The following PDGFC variants were observed in gnomAD, a reference collection of about 807,000 sequenced individuals.
The protein encoded by PDGFC is platelet-derived growth factor C.
In PDGFC, 12 loss-of-function variants were observed where a neutral mutation model predicts 35.5. The ratio of observed to expected loss-of-function variants is 0.34; its 90% CI spans 0.22 to 0.55. The LOEUF is 0.55. Ranked by LOEUF, PDGFC falls within the 20% of genes least tolerant of loss-of-function variation. PDGFC has a pLI of 0.91. For synonymous variants in PDGFC, 159 were observed against 148.8 expected (o/e 1.07, Z -0.50); for missense variants, 322 against 412.4 (o/e 0.78, Z 1.90).
At chr4:156,797,401 G>T (rs772286524) in intron 3 of PDGFC, among the ~76,000 whole-genome samples, 5 of 152,082 alleles carry the variant, frequency 3.3e-5, no homozygotes, top group Non-Finnish European at 5.9e-5. Flanking sequence ...CAGGTGATCT[G>T]ACAGAATTTA....
At chr4:156,954,830 C>T (rs1720781614) in intron 1 of PDGFC, among the ~76,000 whole-genome samples, 1 of 151,928 alleles carries the variant, frequency 6.6e-6, no homozygotes, top group African/African-American at 2.4e-5. Context: ...CGTTTAGAAC[C>T]CATCAATGAT....
At chr4:156,836,385 T>C (rs1579045197) in intron 2 of PDGFC, among the ~76,000 whole-genome samples, 1 of 152,200 alleles carries the variant, frequency 6.6e-6, no homozygotes, top group African/African-American at 2.4e-5. Flanking sequence ...AAAGTTACAT[T>C]TAAATGAGGA....
At chr4:156,850,671 G>A (rs972160068) in intron 1 of PDGFC, among the ~76,000 whole-genome samples, 19 of 152,034 alleles carry the variant, frequency 1.2e-4, no homozygotes, top group African/African-American at 4.1e-4. Flanking sequence ...TTACTGAAAC[G>A]TCAACTACAA....
intron 1 of PDGFC, among the ~76,000 whole-genome samples, chr4:156,891,549 T>A (rs775955140): frequency 7.3e-6 from 1 of 136,542 alleles, no homozygotes; most frequent in Non-Finnish European, 1.7e-5. Context: ...CAAATCCTTT[T>A]CAGTGAGGTT....
intron 2 of PDGFC, among the ~76,000 whole-genome samples, chr4:156,825,138 G>A (rs556014298): frequency 2.6e-5 from 4 of 152,174 alleles, no homozygotes; most frequent in South Asian, 2.1e-4. Context: ...GAACACAGTC[G>A]AGGTAGGCAG....
intron 1 of PDGFC, among the ~76,000 whole-genome samples, chr4:156,932,757 G>T (rs975883223): frequency 9.8e-6 from 1 of 101,968 alleles, no homozygotes; most frequent in African/African-American, 3.9e-5. Context: ...GGGGTGGGGG[G>T]AGGGGGGAGG....
Position 156,854,347 on chromosome 4 carries a change from C to T in PDGFC, c.119-3931G>A, listed in dbSNP as rs556634341. Among the ~76,000 whole-genome samples, 114 of 152,168 alleles carry T rather than the reference C, an allele frequency of 7.5e-4. 1 individual carries two copies. Among genetic ancestry groups the T allele is most frequent in the Admixed American group, 7.9e-4 (12 of 15,270 alleles). ...TTTTTATATCTTCAGTCATAAAGCG[C>T]ATGGCTAAAATATATATACTTAAGT... On this transcript the variant is annotated intron_variant, in intron 1 of 5. Transcript: ENST00000502773.
intron 1 of PDGFC, among the ~76,000 whole-genome samples, chr4:156,911,942 T>C (rs114156775): frequency 0.015 from 2,251 of 152,254 alleles, 59 homozygotes; most frequent in African/African-American, 0.051. Flanking sequence ...TGTTAAACAA[T>C]GAATGTCTAA....
chr4:156,895,745 A>T (rs1730619737), intron 1 of PDGFC, among the ~76,000 whole-genome samples: 1 of 152,154 alleles, frequency 6.6e-6, no homozygotes, highest in Non-Finnish European at 1.5e-5. Context: ...TGTATATAAC[A>T]TATATATAAA....
intron 1 of PDGFC, among the ~76,000 whole-genome samples, chr4:156,882,149 T>C (rs2111172923): frequency 6.6e-6 from 1 of 152,278 alleles, no homozygotes; most frequent in Non-Finnish European, 1.5e-5. Flanking sequence ...AGTATCCTGC[T>C]ATTTCATTAT....
chr4:156,892,173 C>T (rs1730530564), intron 1 of PDGFC, among the ~76,000 whole-genome samples: 1 of 152,128 alleles, frequency 6.6e-6, no homozygotes, highest in East Asian at 1.9e-4. Context: ...TAACACCTAC[C>T]TCATAAAACA....
At chr4:156,813,765 A>C (rs879248143) in intron 2 of PDGFC, among the ~76,000 whole-genome samples, 1 of 152,248 alleles carries the variant, frequency 6.6e-6, no homozygotes, top group Admixed American at 6.5e-5. Context: ...AATGGGCTCG[A>C]TGTCTCTTTA....
chr4:156,942,175 T>A (rs929425741), intron 1 of PDGFC, among the ~76,000 whole-genome samples: 1 of 152,060 alleles, frequency 6.6e-6, no homozygotes, highest in Non-Finnish European at 1.5e-5. Context: ...GCATACAGGA[T>A]CGTATTTACA....
chr4:156,810,653 T>C (rs551933584), intron 3 of PDGFC, among the ~76,000 whole-genome samples, 184 bp downstream of exon 3: 1 of 152,160 alleles, frequency 6.6e-6, no homozygotes, highest in South Asian at 2.1e-4. Flanking sequence ...ACTGATTTCA[T>C]ATTTTCTAAT....
intron 2 of PDGFC, among the ~76,000 whole-genome samples, chr4:156,832,834 C>T (rs916971745): frequency 8.5e-5 from 13 of 152,140 alleles, no homozygotes; most frequent in African/African-American, 2.2e-4. Context: ...ATAGTATATG[C>T]GGATTTGGGT....
chr4:156,856,649 C>T (rs1729591152), intron 1 of PDGFC, among the ~76,000 whole-genome samples: 1 of 152,070 alleles, frequency 6.6e-6, no homozygotes, highest in African/African-American at 2.4e-5. Context: ...CATGGCAGCA[C>T]CTAATACCTA....
chr4:156,877,570 G>T (rs931175585), intron 1 of PDGFC, among the ~76,000 whole-genome samples: 1 of 152,080 alleles, frequency 6.6e-6, no homozygotes, highest in Non-Finnish European at 1.5e-5. Flanking sequence ...TACCAGTAGA[G>T]AAAATATTAT....
intron 1 of PDGFC, among the ~76,000 whole-genome samples, chr4:156,893,318 T>TA (rs1199065211): frequency 1.4e-5 from 2 of 146,204 alleles, no homozygotes; most frequent in African/African-American, 4.9e-5. Flanking sequence ...ACGCAACAAG[T>TA]AAAAAATGCT....
chr4:156,965,683 T>TC (rs1732448736), intron 1 of PDGFC, among the ~76,000 whole-genome samples: 1 of 151,572 alleles, frequency 6.6e-6, no homozygotes, highest in Non-Finnish European at 1.5e-5. Context: ...ATCTCATCAC[T>TC]CCCCCAGCCA....
Sources: gnomAD v4.1 joint callset for allele counts (sites outside exome capture counted in the v4.1 genomes callset) on GRCh38, gnomAD v4.1.1 for gene constraint, MANE v1.5 for transcripts, NCBI Gene and HGNC (gene_info 2026-07-23, HGNC 2026-07-21) for gene names.